The following NR1H2 variants were observed in gnomAD, a reference collection of about 807,000 sequenced individuals.
NR1H2 encodes oxysterols receptor LXR-beta.
In NR1H2, 33 loss-of-function variants were observed where a neutral mutation model predicts 51.2. That is an observed-to-expected ratio of 0.64 (90% CI 0.49 to 0.86). NR1H2 has a LOEUF of 0.86. Among genes scored for constraint, NR1H2 ranks in the 40% least tolerant of loss-of-function variants. The pLI, the probability that NR1H2 is intolerant of heterozygous loss-of-function variation, is 0.00. For synonymous variants in NR1H2, 310 were observed against 264.3 expected (o/e 1.17, Z -1.68); for missense variants, 592 against 639.9 (o/e 0.93, Z 0.81).
intron 4 of NR1H2, 59 bp downstream of exon 4, chr19:50,377,929 A>G (rs576488905): frequency 6.7e-7 from 1 of 1,499,222 alleles, no homozygotes; most frequent in Non-Finnish European, 8.9e-7. Context: ...GAAGGGAGAA[A>G]GAAATAGAAA....
rs777830545 is a variant in NR1H2 at position 50,378,254 on chromosome 19, G to A, written c.287G>A (p.Gly96Asp). The A allele has an allele frequency of 5.0e-6, 8 of 1,613,282 alleles. No individual in the cohort carries two copies. Among genetic ancestry groups the A allele is most frequent in the African/African-American group, 1.3e-5 (1 of 74,948 alleles). The change falls in exon 5 of 10, where the codon GGC becomes GAC. Residue 96 changes from glycine to aspartate, a missense_variant. Around this residue, in one of 3 missense-constraint regions of NR1H2, gnomAD observed 316 missense variants for 313.4 expected, o/e 1.01. Coordinates refer to ENST00000253727, the MANE Select transcript of NR1H2 (RefSeq NM_007121.7). ...LCRVCGDKAS[G>D]FHYNVLSCEG... ...CGTGTCTGTGGGGACAAGGCCTCCG[G>A]CTTCCACTACAACGTGCTCAGCTGC... is the stretch of plus-strand genomic sequence containing the variant.
chr19:50,382,587 G>A lies in NR1H2; in HGVS notation c.1368G>A (p.Trp456Ter). The change falls in exon 10 of 10, where the codon TGG becomes TGA. Residue 456 changes from tryptophan (W) to a stop codon, truncating the protein, a stop_gained. Transcript: ENST00000253727. LOFTEE classifies it high-confidence loss of function. ...TGCCGCCTCTGCTGTCGGAGATCTG[G>A]GACGTCCACGAGTGAGGGGCTGGCC... The part of the protein sequence containing the change: ...KKLPPLLSEI[W>*]DVHE 1 of 1,591,624 alleles carries A rather than the reference G, an allele frequency of 6.3e-7. No homozygotes were observed.
In NR1H2 at chr19:50,383,341, A is replaced by G. The variant is rs2037822054; in HGVS notation, c.*739A>G. Among the ~76,000 whole-genome samples the G allele has an allele frequency of 6.6e-6, 1 of 152,256 alleles. No individual in the cohort carries two copies. The highest frequency in any genetic ancestry group is 1.5e-5 in the Non-Finnish European group (1 of 68,046). The stretch of plus-strand genomic sequence containing the variant: ...CTGTGGGCCAGGCACTGGGTTGGCC[A>G]TTCTAGAGATGGAGACATTCACCCA... On this transcript the variant is annotated 3_prime_UTR_variant, in exon 10 of 10. Transcript: ENST00000253727.
At chr19:50,382,294 C>T (rs2037784059) in intron 9 of NR1H2, 120 bp downstream of exon 9, 9 of 1,340,960 alleles carry the variant, frequency 6.7e-6, no homozygotes, top group Non-Finnish European at 9.0e-6. Context: ...CCTCAGGCCC[C>T]ACCCTGCTCG....
chr19:50,382,953 CTTTTA>C lies in NR1H2; in HGVS notation c.*355_*359del. 4.8e-6 allele frequency: 1 copy of C among 210,032 alleles called. No homozygotes were observed. The highest frequency in any genetic ancestry group is 9.4e-6 in the Non-Finnish European group (1 of 106,080). The allele number at this position is 210,032 out of a possible 1,614,324, so 13.0% of individuals were successfully genotyped here. On this transcript the variant is annotated 3_prime_UTR_variant, in exon 10 of 10. Transcript: ENST00000253727. ...AGACCAGGGCCTTCCTCTTCCTCTG[CTTTTA>C]TTTAATAAAAACTAAAAACAGAAAC...
Position 50,382,122 on chromosome 19 carries a change from A to G in NR1H2, c.1184A>G (p.Gln395Arg), listed in dbSNP as rs775424046. 26 of 1,544,704 alleles carry G rather than the reference A, an allele frequency of 1.7e-5. No homozygotes were observed. Among genetic ancestry groups the G allele is most frequent in the Non-Finnish European group, 2.2e-5 (25 of 1,146,820 alleles). ...GAGCCGGGCCGCGTGGAGGCGTTGC[A>G]GCAGCCCTACGTGGAGGCGCTGCTG... ...VQEPGRVEAL[Q>R]QPYVEALLSY... Residue 395 changes from glutamine to arginine, a missense_variant, in exon 9 of 10, where the codon CAG (glutamine) becomes CGG (arginine). Coordinates refer to ENST00000253727, the MANE Select transcript of NR1H2 (RefSeq NM_007121.7).
chr19:50,378,825 G>T, intron 6 of NR1H2, 29 bp downstream of exon 6: 2 of 1,604,098 alleles, frequency 1.2e-6, no homozygotes, highest in South Asian at 1.1e-5. Context: ...CCTTGAGTGT[G>T]ACGGTCCCAA....
At chr19:50,378,893 C>A in intron 6 of NR1H2, 97 bp downstream of exon 6, 1 of 1,555,930 alleles carries the variant, frequency 6.4e-7, no homozygotes, top group Non-Finnish European at 8.7e-7. Flanking sequence ...CTCCAGAGGG[C>A]AGGGGCTTTG....
chr19:50,381,923 G>GGTTTCGGGCTGAGGGA, intron 8 of NR1H2, 43 bp from the exon 9 acceptor site: 2 of 1,500,944 alleles, frequency 1.3e-6, no homozygotes, highest in Non-Finnish European at 1.8e-6. Context: ...TGTGGGGCAC[G>GGTTTCGGGCTGAGGGA]GTTTCGGGCT....
rs372890455 is a variant in NR1H2 at position 50,378,392 on chromosome 19, A to C, written c.425A>C (p.Gln142Pro). Residue 142 changes from glutamine to proline, a missense_variant, in exon 5 of 10, where the codon CAG (glutamine) becomes CCG (proline). Coordinates refer to ENST00000253727, the MANE Select transcript of NR1H2 (RefSeq NM_007121.7). Reference sequence around the variant, plus strand: ...GACGCTTTCATGCGGCGCAAGTGCCAGCAGTGCCGGCTGCGCAAGTGCAAG... The same window carrying C: ...GACGCTTTCATGCGGCGCAAGTGCCCGCAGTGCCGGCTGCGCAAGTGCAAG... Reference protein sequence around the residue: ...QMDAFMRRKCQQCRLRKCKEA... With the variant: ...QMDAFMRRKCPQCRLRKCKEA... 23 of 1,607,148 alleles carry C rather than the reference A, an allele frequency of 1.4e-5. No homozygotes were observed. The Admixed American group carries it at 3.8e-4, about 27-fold the overall frequency.
In NR1H2 at chr19:50,378,561, G is replaced by A. The variant is rs770277766; in HGVS notation, c.512G>A (p.Arg171Gln). ...GAACAGATCCGGAAGAAGAAGATTC[G>A]GAAACAGCAGCAGGAGTCACAGTCA... ...SEEQIRKKKI[R>Q]KQQQESQSQS... The change falls in exon 6 of 10, where the codon CGG becomes CAG. Residue 171 changes from arginine (R) to glutamine (Q), a missense_variant. Arg to Gln is a conservative substitution (Grantham distance 43). Transcript: ENST00000253727. 1.9e-5 allele frequency: 27 copies of A among 1,406,744 alleles called. No individual in the cohort carries two copies. Among genetic ancestry groups the A allele is most frequent in the African/African-American group, 5.7e-5 (2 of 35,260 alleles). The allele number at this position is 1,406,744 out of a possible 1,614,324, so 87.1% of individuals were successfully genotyped here. A position where few individuals can be genotyped will look rare whatever the true frequency, so the allele number is the denominator to read the frequency against.
chr19:50,380,069 G>A (rs1262840262), intron 8 of NR1H2, among the ~76,000 whole-genome samples, 190 bp downstream of exon 8: 5 of 152,230 alleles, frequency 3.3e-5, no homozygotes, highest in Non-Finnish European at 7.3e-5. Flanking sequence ...CCAGCCACTC[G>A]AGGCTGAGGA....
intron 8 of NR1H2, among the ~76,000 whole-genome samples, chr19:50,380,676 GGCAGAGGAGATTGGCGATT>G (rs1450716770): frequency 3.3e-5 from 5 of 152,166 alleles, no homozygotes; most frequent in African/African-American, 1.2e-4. Flanking sequence ...AAGCGTTTCT[GGCAGAGGAGATTGGCGATT>G]GCAGAGGCCC....
chr19:50,382,402 CCAAAGCCTGGCAGGGCAGGGG>C (rs1217462337), intron 9 of NR1H2, 33 bp from the exon 10 acceptor site: 62 of 1,538,542 alleles, frequency 4.0e-5, no homozygotes, highest in Non-Finnish European at 5.1e-5. Flanking sequence ...GGTGGGCCTC[CCAAAGCCTGGCAGGGCAGGGG>C]CTCAGCCAGC....
Position 50,377,661 on chromosome 19 carries a change from C to T in NR1H2, c.43+13C>T, listed in dbSNP as rs897352797. On this transcript the variant is annotated intron_variant, in intron 3 of 9. Transcript: ENST00000253727. Reference sequence around the variant, plus strand: ...ACCCCCCTGCCTGGTGAGTGACTCTCTTCCCCACCCAGCCCTTATCACACA... The same window carrying T: ...ACCCCCCTGCCTGGTGAGTGACTCTTTTCCCCACCCAGCCCTTATCACACA... 2.5e-6 allele frequency: 4 copies of T among 1,612,666 alleles called. No homozygotes were observed. The highest frequency in any genetic ancestry group is 2.7e-5 in the African/African-American group (2 of 74,884).
chr19:50,382,566 G>A lies in NR1H2; in HGVS notation c.1347G>A (p.Pro449=), dbSNP rs35293579. ...TGCGGCTCCAGGACAAGAAGCTGCC[G>A]CCTCTGCTGTCGGAGATCTGGGACG... ...FALRLQDKKL[P]PLLSEIWDVH... is the part of the protein sequence containing the mutation. Residue 449 remains proline, a synonymous_variant, in exon 10 of 10, where the codon CCG becomes CCA. Coordinates refer to ENST00000253727, the MANE Select transcript of NR1H2 (RefSeq NM_007121.7). 1.2e-3 allele frequency: 1,989 copies of A among 1,603,428 alleles called. 22 individuals carry two copies. In the African/African-American group the frequency reaches 0.023, roughly 18 times the overall value.
At position 50,382,970 on chromosome 19, in the gene NR1H2, C is replaced by G. The variant is rs1399742319; in HGVS notation, c.*368C>G. 5.5e-6 allele frequency: 1 copy of G among 180,554 alleles called. No homozygotes were observed. The highest frequency in any genetic ancestry group is 1.1e-5 in the Non-Finnish European group (1 of 87,004). 11.2% of individuals were successfully genotyped at this position (180,554 alleles called of 1,614,324 possible). A position where few individuals can be genotyped will look rare whatever the true frequency, so the allele number is the denominator to read the frequency against. ...TTCCTCTGCTTTTATTTAATAAAAA[C>G]TAAAAACAGAAACAGGAAAATAAAA... On this transcript the variant is annotated 3_prime_UTR_variant, in exon 10 of 10. Coordinates refer to ENST00000253727, the MANE Select transcript of NR1H2 (RefSeq NM_007121.7).
intron 8 of NR1H2, among the ~76,000 whole-genome samples, chr19:50,381,043 C>T (rs1298754330): frequency 6.6e-6 from 1 of 152,152 alleles, no homozygotes; most frequent in Non-Finnish European, 1.5e-5. Context: ...GACCTGGCCT[C>T]GCTCACTCTC....
chr19:50,378,061 T>C, intron 4 of NR1H2, 88 bp from the exon 5 acceptor site: 1 of 1,464,582 alleles, frequency 6.8e-7, no homozygotes, highest in Non-Finnish European at 9.2e-7. Flanking sequence ...ATCCTCTGGC[T>C]CTTTGCCTGG....
Sources: gnomAD v4.1 joint callset for allele counts (sites outside exome capture counted in the v4.1 genomes callset) on GRCh38, gnomAD v4.1.1 for gene constraint, gnomAD v4.1.1 regional missense constraint, MANE v1.5 for transcripts, NCBI Gene and HGNC (gene_info 2026-07-23, HGNC 2026-07-21) for gene names.